The following GPC5 variants were observed in gnomAD, a reference collection of about 807,000 sequenced individuals.
GPC5 encodes glypican 5.
In GPC5, 47 loss-of-function variants were observed where a neutral mutation model predicts 53.9. That is an observed-to-expected ratio of 0.87 (90% CI 0.69 to 1.11). The LOEUF (loss-of-function observed/expected upper bound fraction) is 1.11, where lower values mean the gene tolerates loss of function less well. GPC5 is among the 50% of genes most tolerant of loss of function. The pLI is 0.00. For synonymous variants in GPC5, 286 were observed against 263.3 expected (o/e 1.09, Z -0.84); for missense variants, 748 against 713.1 (o/e 1.05, Z -0.56).
At chr13:92,431,330 G>A (rs1322737000) in intron 7 of GPC5, among the ~76,000 whole-genome samples, 1 of 146,504 alleles carries the variant, frequency 6.8e-6, no homozygotes, top group Non-Finnish European at 1.5e-5. Context: ...CTACAATTAA[G>A]AAAGTAACAC....
intron 7 of GPC5, among the ~76,000 whole-genome samples, chr13:92,836,059 G>A (rs554491570): frequency 6.6e-6 from 1 of 152,002 alleles, no homozygotes; most frequent in East Asian, 1.9e-4. Context: ...CAATTGCAGG[G>A]ATGATTTTTA....
intron 5 of GPC5, among the ~76,000 whole-genome samples, chr13:91,777,883 G>T (rs2037736509): frequency 6.6e-6 from 1 of 152,064 alleles, no homozygotes. Context: ...GTGACATCTT[G>T]CAGTGGCATA....
At chr13:92,702,016 T>A (rs1253653084) in intron 7 of GPC5, among the ~76,000 whole-genome samples, 2 of 150,572 alleles carry the variant, frequency 1.3e-5, no homozygotes, top group Non-Finnish European at 3.0e-5. Context: ...GGTAACTACT[T>A]TTCTCCCCTG....
chr13:91,626,911 C>T (rs1440227431), intron 2 of GPC5, among the ~76,000 whole-genome samples: 5 of 151,052 alleles, frequency 3.3e-5, no homozygotes, highest in African/African-American at 9.7e-5. Flanking sequence ...TGAGTGAGAA[C>T]ATGCGGTGTT....
chr13:91,943,349 C>A (rs1340591889), intron 6 of GPC5, among the ~76,000 whole-genome samples: 1 of 145,530 alleles, frequency 6.9e-6, no homozygotes, highest in East Asian at 2.0e-4. Context: ...TTCACTGAAG[C>A]TTTTTTTTTT....
chr13:91,582,839 C>T (rs916539169), intron 2 of GPC5, among the ~76,000 whole-genome samples: 2 of 151,972 alleles, frequency 1.3e-5, no homozygotes, highest in Admixed American at 6.6e-5. Flanking sequence ...AAGGTGATAC[C>T]GTGTCTCTAC....
chr13:91,944,095 A>C (rs188702028), intron 6 of GPC5, among the ~76,000 whole-genome samples: 3,843 of 149,072 alleles, frequency 0.026, 149 homozygotes, highest in African/African-American at 0.087. Context: ...CTTTTTCTTT[A>C]TTTCTTTCTT....
intron 5 of GPC5, among the ~76,000 whole-genome samples, chr13:91,882,365 A>C (rs2138951834): frequency 6.6e-6 from 1 of 152,206 alleles, no homozygotes; most frequent in Non-Finnish European, 1.5e-5. Flanking sequence ...TTATACTTTA[A>C]TAAGCCATAA....
chr13:91,761,256 A>G (rs2037405531), intron 5 of GPC5, among the ~76,000 whole-genome samples: 1 of 152,184 alleles, frequency 6.6e-6, no homozygotes, highest in South Asian at 2.1e-4. Flanking sequence ...TAAACCAGCC[A>G]GTATCTGTTA....
intron 7 of GPC5, among the ~76,000 whole-genome samples, chr13:92,679,859 C>T (rs552447440): frequency 6.6e-6 from 1 of 152,182 alleles, no homozygotes; most frequent in East Asian, 1.9e-4. Context: ...CTCACTCCTG[C>T]GCTCTCTCTT....
chr13:92,083,597 A>G (rs1594756515), intron 6 of GPC5, among the ~76,000 whole-genome samples: 1 of 152,314 alleles, frequency 6.6e-6, no homozygotes, highest in South Asian at 2.1e-4. Flanking sequence ...CGTACATTAT[A>G]TTTTATGTTT....
rs913985838 is a variant in GPC5, at chr13:91,941,662, T to C, written c.1401+33605T>C. On this transcript the variant is annotated intron_variant, in intron 6 of 7. Transcript: ENST00000377067. ...TATCAATTTGTGCAGAGGGATCATGTTTTAGCCAGGTTTATCTCTACTGTC... is the reference window on the plus strand; with the variant it reads ...TATCAATTTGTGCAGAGGGATCATGCTTTAGCCAGGTTTATCTCTACTGTC... 5.9e-5 allele frequency among the ~76,000 whole-genome samples: 9 copies of C among 152,116 alleles called. 1 individual carries two copies. Among genetic ancestry groups the C allele is most frequent in the Non-Finnish European group, 5.9e-5 (4 of 67,992 alleles).
chr13:92,104,198 A>G (rs1189124307), intron 6 of GPC5, among the ~76,000 whole-genome samples: 1 of 152,112 alleles, frequency 6.6e-6, no homozygotes, highest in African/African-American at 2.4e-5. Context: ...TCATCCACGT[A>G]TCCCAATGAA....
intron 6 of GPC5, among the ~76,000 whole-genome samples, chr13:92,019,973 T>TA (rs1193206207): frequency 1.3e-5 from 2 of 152,104 alleles, no homozygotes; most frequent in African/African-American, 4.8e-5. Flanking sequence ...ATCTCTGAGC[T>TA]AAAATCAAGT....
chr13:91,495,353 G>A (rs1009676683), intron 2 of GPC5, among the ~76,000 whole-genome samples: 13 of 152,104 alleles, frequency 8.5e-5, no homozygotes, highest in Admixed American at 2.6e-4. Flanking sequence ...TGCAGTAGGC[G>A]GGAAGATCTT....
rs1881049320 is a variant in GPC5 at position 91,449,610 on chromosome 13, G to T, written c.325+688G>T. Among the ~76,000 whole-genome samples the T allele has an allele frequency of 2.0e-5, 3 of 152,160 alleles. No individual in the cohort carries two copies. In the South Asian group the frequency reaches 6.2e-4, roughly 32 times the overall value. ...TATGGTTTTCATAAGAACACCAGTG[G>T]AATATATCAAAGTGCAAGCAAGTCT... On this transcript the variant is annotated intron_variant, in intron 2 of 7. Coordinates refer to ENST00000377067, the MANE Select transcript of GPC5 (RefSeq NM_004466.6).
intron 5 of GPC5, among the ~76,000 whole-genome samples, chr13:91,868,273 A>G (rs1033608871): frequency 1.3e-5 from 2 of 152,238 alleles, no homozygotes; most frequent in African/African-American, 4.8e-5. Context: ...GTAAGATTAG[A>G]TGACAAGTAA....
chr13:91,420,121 G>A (rs1352867371), intron 1 of GPC5, among the ~76,000 whole-genome samples: 2 of 152,134 alleles, frequency 1.3e-5, no homozygotes, highest in East Asian at 3.9e-4. Flanking sequence ...AGGATTATTA[G>A]TAAACTCTGA....
At chr13:91,701,177 T>C (rs1341521716) in intron 3 of GPC5, among the ~76,000 whole-genome samples, 1 of 152,148 alleles carries the variant, frequency 6.6e-6, no homozygotes, top group African/African-American at 2.4e-5. Flanking sequence ...CTAATTAAGA[T>C]ATCCTTCACC....
Sources: gnomAD v4.1 joint callset for allele counts (sites outside exome capture counted in the v4.1 genomes callset) on GRCh38, gnomAD v4.1.1 for gene constraint, MANE v1.5 for transcripts, NCBI Gene and HGNC (gene_info 2026-07-23, HGNC 2026-07-21) for gene names.